Variants in PCDH11X observed in about 807,000 individuals in gnomAD.
PCDH11X encodes protocadherin 11 X-linked.
A neutral mutation model predicts 53.3 loss-of-function variants in PCDH11X; 18 were observed. The ratio of observed to expected loss-of-function variants is 0.34; its 90% CI spans 0.23 to 0.50. The LOEUF (loss-of-function observed/expected upper bound fraction) is 0.50, where lower values mean the gene tolerates loss of function less well. PCDH11X is among the 20% of genes least tolerant of loss of function. The pLI is 0.98. For missense variants in PCDH11X, 570 were observed against 1,032.4 expected, an observed-to-expected ratio of 0.55 and a Z score of 6.14; for synonymous variants, 279 against 393.3, an observed-to-expected ratio of 0.71 and a Z score of 3.44.
chrX:92,430,817 A>C (rs962891407), intron 9 of PCDH11X, among the ~76,000 whole-genome samples: 3 of 109,473 alleles, frequency 2.7e-5, no homozygotes, highest in African/African-American at 9.9e-5. Context: ...AATAAAAATA[A>C]ATCAGGTTTA....
At chrX:92,596,258 G>A (rs1925589231) in intron 10 of PCDH11X, among the ~76,000 whole-genome samples, 1 of 111,723 alleles carries the variant, frequency 9.0e-6, no homozygotes, top group Non-Finnish European at 1.9e-5. Flanking sequence ...ATATTCTCCT[G>A]GGACCAACCT....
chrX:92,311,232 T>C (rs1188294504), intron 8 of PCDH11X, among the ~76,000 whole-genome samples: 1 of 110,040 alleles, frequency 9.1e-6, no homozygotes, highest in Non-Finnish European at 1.9e-5. Context: ...GACTGTTTTC[T>C]GCTTTCAAGT....
chrX:92,307,145 A>T (rs2068849477), intron 8 of PCDH11X, among the ~76,000 whole-genome samples: 1 of 111,309 alleles, frequency 9.0e-6, no homozygotes, highest in East Asian at 2.8e-4. Flanking sequence ...TACCAAAGTC[A>T]GAAAAAGACA....
chrX:92,204,192 A>G (rs1343736399), intron 7 of PCDH11X, among the ~76,000 whole-genome samples: 1 of 111,218 alleles, frequency 9.0e-6, no homozygotes, highest in African/African-American at 3.3e-5. Context: ...CATTTTTCCC[A>G]TTGTCTTGGT....
chrX:92,538,495 A>G (rs2074705581), intron 10 of PCDH11X, among the ~76,000 whole-genome samples: 1 of 109,839 alleles, frequency 9.1e-6, no homozygotes, highest in African/African-American at 3.3e-5. Flanking sequence ...CTCAGGTGAT[A>G]TGATTTAATT....
At chrX:92,176,001 A>C (rs2148284238) in intron 6 of PCDH11X, among the ~76,000 whole-genome samples, 1 of 110,730 alleles carries the variant, frequency 9.0e-6, no homozygotes, top group African/African-American at 3.3e-5. Flanking sequence ...ACCACAGAAG[A>C]AGTTAGTGGC....
chrX:91,907,412 C>CAGAG (rs59848282), intron 6 of PCDH11X, among the ~76,000 whole-genome samples: 581 of 57,426 alleles, frequency 0.01, 14 homozygotes, highest in African/African-American at 0.032. Flanking sequence ...CACACACACA[C>CAGAG]AGAGAGAGAG....
intron 7 of PCDH11X, among the ~76,000 whole-genome samples, chrX:92,206,473 C>A (rs1240041758): frequency 9.0e-6 from 1 of 111,006 alleles, no homozygotes; most frequent in African/African-American, 3.3e-5. Context: ...AATTTAGATG[C>A]CAATTAATTA....
intron 6 of PCDH11X, among the ~76,000 whole-genome samples, chrX:92,141,114 G>GA (rs2065172241): frequency 9.0e-6 from 1 of 111,438 alleles, no homozygotes; most frequent in Non-Finnish European, 1.9e-5. Context: ...GTGGAGAGTA[G>GA]AAAACTATAC....
At chrX:91,993,173 T>C (rs1403731214) in intron 6 of PCDH11X, among the ~76,000 whole-genome samples, 7 of 112,376 alleles carry the variant, frequency 6.2e-5, no homozygotes, top group African/African-American at 2.3e-4. Flanking sequence ...ACTAAGCATT[T>C]TGAAAACCAG....
At chrX:92,581,096 A>C in intron 10 of PCDH11X, among the ~76,000 whole-genome samples, 1 of 111,363 alleles carries the variant, frequency 9.0e-6, no homozygotes, top group East Asian at 2.9e-4. Flanking sequence ...ATTTTTTAAC[A>C]TGTTTCATTT....
chrX:92,337,990 A>G (rs985144972), intron 8 of PCDH11X, among the ~76,000 whole-genome samples: 6 of 111,337 alleles, frequency 5.4e-5, no homozygotes, highest in Non-Finnish European at 9.4e-5. Flanking sequence ...AAATAGAAAT[A>G]TCTTTGCCTA....
chrX:92,425,506 G>T lies in PCDH11X; in HGVS notation c.3343+37573G>T, dbSNP rs1489969698. Among the ~76,000 whole-genome samples, 4 of 108,888 alleles carry T rather than the reference G, an allele frequency of 3.7e-5. No homozygotes were observed. In the Admixed American group the frequency reaches 4.0e-4, roughly 11 times the overall value. 94.6% of individuals were successfully genotyped at this position (108,888 alleles called of 115,157 possible). ...CAAATTAGAGACGGTGAAGACTTGG[G>T]AAGAAGAAAGTTTGGAGTTTAGAAG... On this transcript the variant is annotated intron_variant, in intron 9 of 10. Transcript: ENST00000682573.
intron 6 of PCDH11X, among the ~76,000 whole-genome samples, chrX:92,123,813 A>G (rs1486829081): frequency 4.7e-5 from 5 of 106,226 alleles, no homozygotes; most frequent in Non-Finnish European, 7.7e-5. Context: ...CAAAACCTAA[A>G]TAATAATGTC....
intron 10 of PCDH11X, among the ~76,000 whole-genome samples, chrX:92,473,027 T>C (rs760394714): frequency 9.5e-6 from 1 of 105,718 alleles, no homozygotes; most frequent in East Asian, 3.0e-4. Flanking sequence ...GCTGAAAAAA[T>C]GTGTTTTTTG....
chrX:92,432,809 G>C (rs1162047277), intron 9 of PCDH11X, among the ~76,000 whole-genome samples: 1 of 107,436 alleles, frequency 9.3e-6, no homozygotes, highest in African/African-American at 3.4e-5. Context: ...TTAGAGCTCT[G>C]AATCATTAAC....
At chrX:92,180,175 G>T (rs1036966964) in intron 6 of PCDH11X, among the ~76,000 whole-genome samples, 1 of 111,484 alleles carries the variant, frequency 9.0e-6, no homozygotes, top group African/African-American at 3.3e-5. Flanking sequence ...GCAGAAGAGA[G>T]TGAAGGAGGA....
intron 10 of PCDH11X, among the ~76,000 whole-genome samples, chrX:92,533,272 C>T (rs148595179): frequency 0.032 from 3,509 of 109,992 alleles, 164 homozygotes; most frequent in African/African-American, 0.11. Flanking sequence ...TTTTGAATAC[C>T]CTATAACAGG....
At chrX:92,396,602 C>A (rs6619003) in intron 9 of PCDH11X, among the ~76,000 whole-genome samples, 1 of 104,349 alleles carries the variant, frequency 9.6e-6, no homozygotes, top group East Asian at 3.5e-4. Context: ...CCATCACTTT[C>A]GGAGGCCGAG....
Sources: allele counts gnomAD v4.1 joint callset (sites outside exome capture counted in the v4.1 genomes callset), GRCh38; gene constraint gnomAD v4.1.1; transcripts MANE v1.5; gene names NCBI Gene and HGNC (gene_info 2026-07-23, HGNC 2026-07-21).